The following IL1RL2 variants were observed in gnomAD, a reference collection of about 807,000 sequenced individuals.
IL1RL2 encodes interleukin 1 receptor like 2, also known as interleukin-1 receptor-like 2.
Under a neutral mutation model 66.8 loss-of-function variants are expected in IL1RL2, and 68 were observed. That is an observed-to-expected ratio of 1.02 (90% CI 0.84 to 1.25). The LOEUF (loss-of-function observed/expected upper bound fraction) is 1.25, where lower values mean the gene tolerates loss of function less well. Among genes scored for constraint, IL1RL2 ranks in the 50% most tolerant of loss-of-function variants. The probability of loss-of-function intolerance (pLI) is 0.00; values close to 1 mark genes in which losing one functional copy is unlikely to be tolerated. For missense variants in IL1RL2, 729 were observed against 709.3 expected, an observed-to-expected ratio of 1.03 and a Z score of -0.32; for synonymous variants, 305 against 264.6, an observed-to-expected ratio of 1.15 and a Z score of -1.48.
intron 4 of IL1RL2, among the ~76,000 whole-genome samples, chr2:102,194,986 A>G (rs957851782): frequency 3.3e-5 from 5 of 151,774 alleles, no homozygotes; most frequent in African/African-American, 1.2e-4. Context: ...CACCCACTCA[A>G]CTCTGTTTTG....
chr2:102,212,036 C>A (rs1000285214), intron 5 of IL1RL2, 64 bp from the exon 6 acceptor site: 1 of 1,205,258 alleles, frequency 8.3e-7, no homozygotes. Context: ...GCTATTACAT[C>A]AAAGTACTTG....
intron 6 of IL1RL2, among the ~76,000 whole-genome samples, chr2:102,217,007 G>A (rs1426980202): frequency 1.4e-4 from 21 of 151,972 alleles, no homozygotes; most frequent in Admixed American, 8.5e-4. Flanking sequence ...TTTACATAGC[G>A]CCATTTCAGA....
At chr2:102,241,846 G>A (rs373861532), downstream of IL1RL2, among the ~76,000 whole-genome samples, 7 of 152,198 alleles carry the variant, frequency 4.6e-5, no homozygotes, top group African/African-American at 1.4e-4. Context: ...TAAATTGTTA[G>A]GCATGATAAT....
At chr2:102,199,663 G>T (rs1361572945) in intron 4 of IL1RL2, among the ~76,000 whole-genome samples, 1 of 152,126 alleles carries the variant, frequency 6.6e-6, no homozygotes, top group Admixed American at 6.5e-5. Context: ...ATAGCAAAGC[G>T]ACAGAATGGC....
At chr2:102,236,021 A>T in intron 11 of IL1RL2, 1 of 803,616 alleles carries the variant, frequency 1.2e-6, no homozygotes, top group African/African-American at 1.9e-5. Context: ...AGCCTGTGAG[A>T]GACGCAATTA....
At chr2:102,196,926 A>C (rs1687835776) in intron 4 of IL1RL2, among the ~76,000 whole-genome samples, 1 of 152,228 alleles carries the variant, frequency 6.6e-6, no homozygotes, top group African/African-American at 2.4e-5. Flanking sequence ...ATTTGAGAAA[A>C]GTCCTTCTGT....
chr2:102,236,347 G>C (rs1212213328), intron 11 of IL1RL2, among the ~76,000 whole-genome samples: 1 of 152,148 alleles, frequency 6.6e-6, no homozygotes, highest in Non-Finnish European at 1.5e-5. Context: ...TGTGGTCTTA[G>C]GATGGCATGG....
intron 8 of IL1RL2, among the ~76,000 whole-genome samples, chr2:102,223,309 A>T (rs1303357617): frequency 1.3e-5 from 2 of 152,092 alleles, no homozygotes; most frequent in Non-Finnish European, 2.9e-5. Flanking sequence ...TGTTAAAGAC[A>T]CCTCCAGATT....
At chr2:102,222,286 G>A (rs1234569314) in intron 8 of IL1RL2, among the ~76,000 whole-genome samples, 3 of 152,134 alleles carry the variant, frequency 2.0e-5, no homozygotes, top group African/African-American at 4.8e-5. Flanking sequence ...CTATAAATAT[G>A]TGGTTTGCAT....
intron 6 of IL1RL2, 141 bp from the exon 7 acceptor site, chr2:102,218,812 T>C: frequency 1.4e-6 from 1 of 720,716 alleles, no homozygotes. Flanking sequence ...AAAAGTAGAT[T>C]AACATTTGCC....
chr2:102,193,626 A>G (rs1687420531), intron 4 of IL1RL2, among the ~76,000 whole-genome samples: 1 of 152,232 alleles, frequency 6.6e-6, no homozygotes, highest in Non-Finnish European at 1.5e-5. Flanking sequence ...TGGTAGGATT[A>G]CAGGCATGAA....
intron 1 of IL1RL2, 124 bp downstream of exon 1, chr2:102,187,210 G>T: frequency 8.2e-7 from 1 of 1,217,588 alleles, no homozygotes; most frequent in Non-Finnish European, 1.1e-6. Context: ...AGGCCCCCCA[G>T]GCCGGCCCCC....
chr2:102,193,285 A>G (rs1002239293), intron 4 of IL1RL2, among the ~76,000 whole-genome samples: 2 of 152,234 alleles, frequency 1.3e-5, no homozygotes, highest in African/African-American at 4.8e-5. Context: ...CTTTAAGATT[A>G]CTAGCCCTAG....
chr2:102,228,886 C>T (rs1690877392), intron 9 of IL1RL2, among the ~76,000 whole-genome samples: 1 of 152,050 alleles, frequency 6.6e-6, no homozygotes, highest in African/African-American at 2.4e-5. Flanking sequence ...TTTTTTTTCC[C>T]CCACAGGGAG....
chr2:102,220,123 T>C (rs1689973007), intron 8 of IL1RL2, 106 bp downstream of exon 8: 2 of 1,050,322 alleles, frequency 1.9e-6, no homozygotes, highest in African/African-American at 3.1e-5. Flanking sequence ...GGCATGAGGG[T>C]GATATTAAAG....
intron 5 of IL1RL2, among the ~76,000 whole-genome samples, chr2:102,207,694 C>G (rs1179483728): frequency 6.6e-6 from 1 of 152,060 alleles, no homozygotes; most frequent in African/African-American, 2.4e-5. Flanking sequence ...GGTGTGCAGT[C>G]TGGGGTGATA....
chr2:102,219,301 AT>A (rs1209822594), intron 7 of IL1RL2, among the ~76,000 whole-genome samples: 1 of 152,188 alleles, frequency 6.6e-6, no homozygotes, highest in Non-Finnish European at 1.5e-5. Context: ...AATTAGTCCC[AT>A]TTCCATTCAG....
At chr2:102,240,126 T>C (rs961922203), downstream of IL1RL2, 12 of 152,324 alleles carry the variant, frequency 7.9e-5, no homozygotes, top group African/African-American at 2.9e-4. Context: ...CAAATATTTT[T>C]CACCTTAAAT....
intron 6 of IL1RL2, among the ~76,000 whole-genome samples, chr2:102,214,900 G>T (rs1689472846): frequency 6.6e-6 from 1 of 152,200 alleles, no homozygotes; most frequent in East Asian, 1.9e-4. Context: ...TGACTAGCGT[G>T]TCTGAAGGAG....
Sources: allele counts gnomAD v4.1 joint callset (sites outside exome capture counted in the v4.1 genomes callset), GRCh38; gene constraint gnomAD v4.1.1; transcripts MANE v1.5; gene names NCBI Gene and HGNC (gene_info 2026-07-23, HGNC 2026-07-21).